DPP6: variants seen among roughly 807,000 people sequenced by gnomAD.
The protein encoded by DPP6 is A-type potassium channel modulatory protein DPP6.
DPP6 carries 69 observed loss-of-function variants against 122.6 expected under a neutral mutation model. The ratio of observed to expected loss-of-function variants is 0.56; its 90% CI spans 0.46 to 0.69. The LOEUF (loss-of-function observed/expected upper bound fraction) is 0.69. Ranked by LOEUF, DPP6 falls within the 30% of genes least tolerant of loss-of-function variation. DPP6 has a pLI of 0.00. For missense variants in DPP6, 928 were observed against 1,116.9 expected (o/e 0.83, Z 2.41); for synonymous variants, 418 against 433.1 (o/e 0.97, Z 0.43).
chr7:154,720,791 G>A (rs1841763078), intron 7 of DPP6, among the ~76,000 whole-genome samples: 1 of 152,262 alleles, frequency 6.6e-6, no homozygotes, highest in Admixed American at 6.5e-5. Context: ...AGAACGGAAT[G>A]CAAGTGCTGA....
intron 1 of DPP6, among the ~76,000 whole-genome samples, chr7:154,212,558 C>T (rs891184178): frequency 3.3e-5 from 5 of 152,062 alleles, no homozygotes. Context: ...CGTGTGATGC[C>T]GTAGCACTCA....
intron 1 of DPP6, among the ~76,000 whole-genome samples, chr7:154,136,436 C>G (rs1795559636): frequency 1.3e-5 from 2 of 152,146 alleles, no homozygotes; most frequent in Admixed American, 6.5e-5. Flanking sequence ...TTGTAGTATG[C>G]AGTTTTTTAC....
At chr7:154,162,826 C>T (rs1284264394) in intron 1 of DPP6, among the ~76,000 whole-genome samples, 2 of 148,106 alleles carry the variant, frequency 1.4e-5, no homozygotes, top group Admixed American at 6.7e-5. Context: ...TGGAACTCTG[C>T]ACCTGGAGTC....
intron 1 of DPP6, among the ~76,000 whole-genome samples, chr7:154,426,651 C>T (rs1269958892): frequency 6.6e-6 from 1 of 151,938 alleles, no homozygotes; most frequent in African/African-American, 2.4e-5. Context: ...GTATTATTCT[C>T]CAGAGGGGCA....
At chr7:154,397,449 A>G (rs1432352603) in intron 1 of DPP6, among the ~76,000 whole-genome samples, 3 of 152,222 alleles carry the variant, frequency 2.0e-5, no homozygotes, top group South Asian at 4.1e-4. Flanking sequence ...GAATCGTCCA[A>G]TTGATAGAAA....
chr7:153,780,984 T>A, the DPP6 span, among the ~76,000 whole-genome samples: 2 of 148,576 alleles, frequency 1.3e-5, no homozygotes, highest in Non-Finnish European at 3.0e-5. Flanking sequence ...TTTAAAAAAA[T>A]GGATGTGTTT....
At chr7:153,919,029 T>C (rs954576953) in intron 1 of DPP6, among the ~76,000 whole-genome samples, 7 of 150,588 alleles carry the variant, frequency 4.6e-5, no homozygotes, top group Non-Finnish European at 1.0e-4. Flanking sequence ...AGAACTATCC[T>C]GTGTGCCTCG....
the DPP6 span, among the ~76,000 whole-genome samples, chr7:153,798,431 A>G: frequency 2.0e-5 from 3 of 152,332 alleles, no homozygotes; most frequent in Admixed American, 1.3e-4. Flanking sequence ...CCTCAGGCAC[A>G]TGCCAGCGGC....
intron 1 of DPP6, among the ~76,000 whole-genome samples, chr7:154,201,158 C>T (rs1277419473): frequency 6.6e-6 from 1 of 151,948 alleles, no homozygotes; most frequent in African/African-American, 2.4e-5. Flanking sequence ...ATGGAGTTTC[C>T]CTCCTGTCCC....
At chr7:153,899,815 C>A (rs550007888) in intron 1 of DPP6, among the ~76,000 whole-genome samples, 1 of 152,174 alleles carries the variant, frequency 6.6e-6, no homozygotes, top group Non-Finnish European at 1.5e-5. Context: ...CAGGTGTGTA[C>A]TCACATGCGT....
In DPP6 at chr7:154,052,546, C is replaced by G. The variant is rs1445510127; in HGVS notation, c.-275C>G. On this transcript the variant is annotated 5_prime_UTR_variant, in exon 1 of 26. Transcript: ENST00000377770. This position sits in a 1 kb window ranked among gnomAD's most constrained non-coding sequence, Gnocchi z 4.8. ...GAGTTGGGGAAAAAAATTATAAAAA[C>G]AGGAAAGAGAGAAAGCACAGCCAGA... 5.1e-6 allele frequency: 5 copies of G among 987,270 alleles called. No homozygotes were observed. The highest frequency in any genetic ancestry group is 6.4e-6 in the Non-Finnish European group (5 of 785,746). 61.2% of individuals were successfully genotyped at this position (987,270 alleles called of 1,614,324 possible).
chr7:153,932,123 CTT>C lies in DPP6; in HGVS notation c.51+44405_51+44406del, dbSNP rs11342253. On this transcript the variant is annotated intron_variant, in intron 1 of 25. Transcript: ENST00000404039. ...TTGGCTTTGATTTATCATTTTGTGC[CTT>C]TTTTTTTTTTTTTTTAACAGAATCT... 7.1e-3 allele frequency among the ~76,000 whole-genome samples: 957 copies of C among 135,676 alleles called. 6 individuals carry two copies. Among genetic ancestry groups the C allele is most frequent in the African/African-American group, 0.02 (755 of 36,858 alleles). 89.0% of individuals were successfully genotyped at this position (135,676 alleles called of 152,430 possible). A position where few individuals can be genotyped will look rare whatever the true frequency, so the allele number is the denominator to read the frequency against.
chr7:153,835,036 T>G, the DPP6 span, among the ~76,000 whole-genome samples: 1 of 152,234 alleles, frequency 6.6e-6, no homozygotes, highest in Non-Finnish European at 1.5e-5. Flanking sequence ...AAGTAACATG[T>G]AGGTGCCCCC....
At chr7:154,426,823 A>AC (rs1260070428) in intron 1 of DPP6, among the ~76,000 whole-genome samples, 13 of 151,332 alleles carry the variant, frequency 8.6e-5, no homozygotes, top group Non-Finnish European at 7.4e-5. Context: ...AAAAAAAAAA[A>AC]AAAAAAAACT....
intron 10 of DPP6, among the ~76,000 whole-genome samples, chr7:154,774,409 G>A (rs1796440487): frequency 6.6e-6 from 1 of 152,154 alleles, no homozygotes; most frequent in African/African-American, 2.4e-5. Context: ...GAATTAATAT[G>A]GAAAGTCACC....
chr7:154,865,133 A>AC (rs1164780180), intron 17 of DPP6, among the ~76,000 whole-genome samples: 19 of 151,934 alleles, frequency 1.3e-4, no homozygotes, highest in Non-Finnish European at 2.2e-4. Context: ...CCACTAGCAG[A>AC]CCCCCCCAGC....
intron 1 of DPP6, among the ~76,000 whole-genome samples, chr7:153,962,823 A>G (rs1795423363): frequency 6.6e-6 from 1 of 152,206 alleles, no homozygotes; most frequent in African/African-American, 2.4e-5. Flanking sequence ...TTAGCAGTAT[A>G]AGACTGTAGC....
intron 1 of DPP6, among the ~76,000 whole-genome samples, chr7:154,228,589 T>G (rs958796265): frequency 3.9e-5 from 6 of 152,162 alleles, no homozygotes; most frequent in Non-Finnish European, 8.8e-5. Flanking sequence ...TTCATTTTAG[T>G]AAGAACCTAA....
intron 21 of DPP6, among the ~76,000 whole-genome samples, chr7:154,882,023 G>T (rs556403741): frequency 5.5e-4 from 84 of 152,328 alleles, no homozygotes; most frequent in South Asian, 2.5e-3. Flanking sequence ...TGAAAGGCAG[G>T]GAGCCTGGGC....
Sources: allele counts gnomAD v4.1 joint callset (sites outside exome capture counted in the v4.1 genomes callset), GRCh38; gene constraint gnomAD v4.1.1; non-coding constraint Gnocchi (gnomAD v3.1); transcripts MANE v1.5; gene names NCBI Gene and HGNC (gene_info 2026-07-23, HGNC 2026-07-21).